TRHDE: variants seen among roughly 807,000 people sequenced by gnomAD.
The protein encoded by TRHDE is thyrotropin releasing hormone degrading enzyme.
A neutral mutation model predicts 125.7 loss-of-function variants in TRHDE; 72 were observed. That is an observed-to-expected ratio of 0.57 (90% CI 0.47 to 0.70). The LOEUF is 0.70. TRHDE is among the 30% of genes least tolerant of loss of function. The pLI is 0.00. For missense variants in TRHDE, 1,110 were observed against 1,327.1 expected, an observed-to-expected ratio of 0.84 and a Z score of 2.54; for synonymous variants, 509 against 509.1, an observed-to-expected ratio of 1.00 and a Z score of 0.00.
intron 3 of TRHDE, among the ~76,000 whole-genome samples, chr12:72,436,229 C>T (rs971920887): frequency 1.3e-5 from 2 of 151,858 alleles, no homozygotes; most frequent in African/African-American, 4.8e-5. Flanking sequence ...CCTAGCTTAA[C>T]CTTTGAAAAT....
intron 12 of TRHDE, among the ~76,000 whole-genome samples, chr12:72,595,017 A>G (rs994689366): frequency 1.3e-5 from 2 of 150,742 alleles, no homozygotes; most frequent in African/African-American, 4.9e-5. Context: ...GCAAGGACAA[A>G]AAACCAAACA....
intron 16 of TRHDE, 34 bp downstream of exon 16, chr12:72,652,523 A>T (rs773999005): frequency 6.6e-7 from 1 of 1,524,120 alleles, no homozygotes; most frequent in South Asian, 1.2e-5. Context: ...GTGTTTCTCT[A>T]ATGAAAGTAT....
chr12:72,295,797 T>G (rs1156817130), intron 2 of TRHDE, among the ~76,000 whole-genome samples: 1 of 151,976 alleles, frequency 6.6e-6, no homozygotes, highest in African/African-American at 2.4e-5. Context: ...TTCTATTTTT[T>G]TTTTAAATCA....
intron 2 of TRHDE, among the ~76,000 whole-genome samples, chr12:72,250,426 G>C (rs1451212761): frequency 6.6e-6 from 1 of 152,160 alleles, no homozygotes; most frequent in Non-Finnish European, 1.5e-5. Context: ...TGGCTTCAGA[G>C]TCAGATAATC....
chr12:72,475,873 TAGTG>T (rs1270259407), intron 5 of TRHDE, among the ~76,000 whole-genome samples: 3 of 152,132 alleles, frequency 2.0e-5, no homozygotes, highest in Admixed American at 6.6e-5. Flanking sequence ...ACACAGTTAA[TAGTG>T]AGAAGAAACA....
chr12:72,488,543 A>T (rs978459500), intron 5 of TRHDE, among the ~76,000 whole-genome samples: 1 of 152,076 alleles, frequency 6.6e-6, no homozygotes, highest in African/African-American at 2.4e-5. Flanking sequence ...AGAAATGAAT[A>T]GCAATACAAT....
chr12:72,165,863 G>C (rs1876735192), intron 2 of TRHDE, among the ~76,000 whole-genome samples: 1 of 151,998 alleles, frequency 6.6e-6, no homozygotes, highest in Non-Finnish European at 1.5e-5. Flanking sequence ...TTTTAGTAGG[G>C]ACGGGGTTTC....
chr12:72,122,755 T>C (rs896788107), intron 2 of TRHDE, among the ~76,000 whole-genome samples: 1 of 152,110 alleles, frequency 6.6e-6, no homozygotes, highest in Admixed American at 6.6e-5. Context: ...ATCCAAAAAA[T>C]AGGTCTTCTA....
upstream of TRHDE, among the ~76,000 whole-genome samples, chr12:72,269,956 C>T (rs759208744): frequency 5.3e-4 from 81 of 152,110 alleles, no homozygotes; most frequent in Non-Finnish European, 1.2e-4. Flanking sequence ...TTAGACTCCC[C>T]GGGATGATTC....
At chr12:72,437,397 G>A (rs12311646) in intron 3 of TRHDE, among the ~76,000 whole-genome samples, 14,461 of 151,646 alleles carry the variant, frequency 0.095, 877 homozygotes, top group African/African-American at 0.16. Flanking sequence ...TTGTCCATGC[G>A]ATATTTTAGG....
At chr12:72,293,592 G>A (rs751224812) in intron 2 of TRHDE, among the ~76,000 whole-genome samples, 1 of 152,204 alleles carries the variant, frequency 6.6e-6, no homozygotes, top group Non-Finnish European at 1.5e-5. Context: ...AATGTGAAGA[G>A]CCCAAGAAAG....
chr12:72,309,969 T>A (rs1265751573), intron 2 of TRHDE, among the ~76,000 whole-genome samples: 1 of 152,192 alleles, frequency 6.6e-6, no homozygotes, highest in Non-Finnish European at 1.5e-5. Flanking sequence ...GAAACGCTGA[T>A]CATTCTATTT....
intron 2 of TRHDE, among the ~76,000 whole-genome samples, chr12:72,118,875 T>C (rs887904910): frequency 1.4e-4 from 22 of 152,162 alleles, no homozygotes; most frequent in African/African-American, 5.1e-4. Flanking sequence ...TGATTTGCTG[T>C]GGTATCAGTT....
chr12:72,405,926 A>G (rs1873245746), intron 3 of TRHDE, among the ~76,000 whole-genome samples: 1 of 152,150 alleles, frequency 6.6e-6, no homozygotes, highest in African/African-American at 2.4e-5. Flanking sequence ...GGACTTGCCA[A>G]CTGAAACAGC....
rs554064066 is a variant in TRHDE, at chr12:72,273,912, T to C, written c.914+355T>C. On this transcript the variant is annotated intron_variant, in intron 1 of 18. Coordinates refer to ENST00000261180, the MANE Select transcript of TRHDE (RefSeq NM_013381.3). The surrounding 1 kb of genome is among the most constrained non-coding windows in gnomAD (Gnocchi z 5.3). Reference sequence around the variant, plus strand: ...GCGATGCCAGAGTGACATGAAAAGCTTGCCAAGTTACTGTCGAGGGAAAAT... The same window carrying C: ...GCGATGCCAGAGTGACATGAAAAGCCTGCCAAGTTACTGTCGAGGGAAAAT... 2.6e-4 allele frequency: 59 copies of C among 225,094 alleles called. 1 individual carries two copies. The highest frequency in any genetic ancestry group is 1.2e-3 in the African/African-American group (55 of 44,750). The allele number at this position is 225,094 out of a possible 1,614,324, so 13.9% of individuals were successfully genotyped here. A position where few individuals can be genotyped will look rare whatever the true frequency, so the allele number is the denominator to read the frequency against.
intron 3 of TRHDE, among the ~76,000 whole-genome samples, chr12:72,390,954 G>T (rs1038068489): frequency 6.6e-6 from 1 of 152,040 alleles, no homozygotes; most frequent in Non-Finnish European, 1.5e-5. Context: ...TATAAAAGGC[G>T]AGTCCTCAGC....
chr12:72,495,142 A>G (rs1393896795), intron 5 of TRHDE, among the ~76,000 whole-genome samples: 1 of 125,088 alleles, frequency 8.0e-6, no homozygotes, highest in Non-Finnish European at 1.6e-5. Flanking sequence ...CCTCTCTTTC[A>G]TCGACTAAGG....
chr12:72,485,597 G>A (rs1257861613), intron 5 of TRHDE, among the ~76,000 whole-genome samples: 1 of 152,070 alleles, frequency 6.6e-6, no homozygotes, highest in Non-Finnish European at 1.5e-5. Flanking sequence ...CATTCTACAG[G>A]TGAGGCAGCA....
rs1269107588 is a variant in TRHDE at position 72,238,332 on chromosome 12, A to G, written n.279+132580A>G. Among the ~76,000 whole-genome samples the G allele has an allele frequency of 7.5e-5, 3 of 39,882 alleles. No homozygotes were observed. The Admixed American group carries it at 9.5e-4, about 13-fold the overall frequency. The allele number at this position is 39,882 out of a possible 152,430, so 26.2% of individuals were successfully genotyped here. A position where few individuals can be genotyped will look rare whatever the true frequency, so the allele number is the denominator to read the frequency against. ...TATATATATATATATACATATATATATACACATTATATATATATATATATA... is the reference window on the plus strand; with the variant it reads ...TATATATATATATATACATATATATGTACACATTATATATATATATATATA... On this transcript the variant is annotated intron_variant and non_coding_transcript_variant, in intron 2 of 4. Transcript: ENST00000548156.
Sources: allele counts gnomAD v4.1 joint callset (sites outside exome capture counted in the v4.1 genomes callset), GRCh38; gene constraint gnomAD v4.1.1; non-coding constraint Gnocchi (gnomAD v3.1); transcripts MANE v1.5; gene names NCBI Gene and HGNC (gene_info 2026-07-23, HGNC 2026-07-21).